Variants in AFG1L observed in about 807,000 individuals in gnomAD.
AFG1L encodes AFG1 like ATPase, also known as AFG1-like ATPase.
A neutral mutation model predicts 62.2 loss-of-function variants in AFG1L; 53 were observed. The ratio of observed to expected loss-of-function variants is 0.85; its 90% CI spans 0.68 to 1.07. The LOEUF (loss-of-function observed/expected upper bound fraction) is 1.07, where lower values mean the gene tolerates loss of function less well. Among genes scored for constraint, AFG1L ranks in the 50% least tolerant of loss-of-function variants. The pLI is 0.00. For synonymous variants in AFG1L, 228 were observed against 210.3 expected, an observed-to-expected ratio of 1.08 and a Z score of -0.73; for missense variants, 555 against 590.5, an observed-to-expected ratio of 0.94 and a Z score of 0.62.
intron 1 of AFG1L, among the ~76,000 whole-genome samples, chr6:108,311,466 C>T (rs987903538): frequency 3.3e-5 from 5 of 152,074 alleles, no homozygotes; most frequent in African/African-American, 1.2e-4. Flanking sequence ...GTTGTTTATC[C>T]ACTTATTTGT....
At chr6:108,334,927 C>T (rs563177996) in intron 2 of AFG1L, among the ~76,000 whole-genome samples, 7 of 152,176 alleles carry the variant, frequency 4.6e-5, no homozygotes, top group South Asian at 4.2e-4. Flanking sequence ...TCCATCCTTT[C>T]GTTATGGCTC....
chr6:108,463,425 GAA>G (rs1287285736), intron 8 of AFG1L, among the ~76,000 whole-genome samples: 8 of 96,586 alleles, frequency 8.3e-5, no homozygotes, highest in Admixed American at 7.7e-4. Flanking sequence ...TTTTTTTTTT[GAA>G]ATCTTCAATC....
intron 1 of AFG1L, among the ~76,000 whole-genome samples, chr6:108,310,264 C>A (rs190149745): frequency 7.0e-4 from 106 of 152,340 alleles, no homozygotes; most frequent in Non-Finnish European, 1.3e-3. Flanking sequence ...TTCTCTGCAT[C>A]TTCTCTAACA....
At chr6:108,454,268 A>C (rs1020097323) in intron 8 of AFG1L, among the ~76,000 whole-genome samples, 5 of 152,230 alleles carry the variant, frequency 3.3e-5, no homozygotes, top group African/African-American at 1.2e-4. Context: ...ACAGTTTAAG[A>C]CTATAAAATT....
chr6:108,311,542 T>C (rs1777411942), intron 1 of AFG1L, among the ~76,000 whole-genome samples: 1 of 152,188 alleles, frequency 6.6e-6, no homozygotes, highest in Non-Finnish European at 1.5e-5. Context: ...TTTTCTTTTT[T>C]TTGAGATAGA....
At chr6:108,379,012 T>C (rs118131667) in intron 6 of AFG1L, among the ~76,000 whole-genome samples, 6,045 of 147,352 alleles carry the variant, frequency 0.041, 199 homozygotes, top group South Asian at 0.11. Flanking sequence ...TTTTTTTTTT[T>C]TTTTTTTTGG....
At chr6:108,466,796 T>A (rs977971759) in intron 8 of AFG1L, among the ~76,000 whole-genome samples, 10 of 148,174 alleles carry the variant, frequency 6.7e-5, no homozygotes, top group Non-Finnish European at 6.0e-5. Flanking sequence ...TATTTTAAAC[T>A]ATATATATAT....
At chr6:108,392,539 A>G (rs1472545197) in intron 6 of AFG1L, among the ~76,000 whole-genome samples, 1 of 152,182 alleles carries the variant, frequency 6.6e-6, no homozygotes, top group Non-Finnish European at 1.5e-5. Flanking sequence ...GTGAAGACAT[A>G]GTAGAATTCA....
intron 5 of AFG1L, among the ~76,000 whole-genome samples, chr6:108,364,065 ACT>A (rs1159212602): frequency 5.3e-5 from 8 of 151,914 alleles, no homozygotes; most frequent in Admixed American, 1.3e-4. Flanking sequence ...AAATGTCTCC[ACT>A]CTCTGTATTA....
chr6:108,466,121 A>G (rs1355275276), intron 8 of AFG1L, among the ~76,000 whole-genome samples: 6 of 152,232 alleles, frequency 3.9e-5, no homozygotes, highest in Non-Finnish European at 5.9e-5. Flanking sequence ...TTTATCCACC[A>G]TAATCACTAA....
At chr6:108,302,536 T>C (rs1288759034) in intron 1 of AFG1L, among the ~76,000 whole-genome samples, 1 of 152,118 alleles carries the variant, frequency 6.6e-6, no homozygotes, top group East Asian at 1.9e-4. Context: ...TAAATACCTC[T>C]TCTCTTGAGG....
chr6:108,295,100 C>T lies in AFG1L; in HGVS notation c.21C>T (p.Leu7=). The change falls in exon 1 of 13, where the codon CTC becomes CTT. Residue 7 remains leucine, a synonymous_variant. Transcript: ENST00000368977. MAASWS[L]LVTLRPLAQS... Reference sequence around the variant, plus strand: ...TCAAGATGGCGGCCTCCTGGTCGCTCTTGGTTACCCTGCGCCCCTTAGCAC... The same window carrying T: ...TCAAGATGGCGGCCTCCTGGTCGCTTTTGGTTACCCTGCGCCCCTTAGCAC... The T allele has an allele frequency of 6.2e-7, 1 of 1,611,194 alleles. No individual in the cohort carries two copies. Among genetic ancestry groups the T allele is most frequent in the South Asian group, 1.1e-5 (1 of 91,082 alleles).
At chr6:108,341,308 G>A (rs1243012354) in intron 2 of AFG1L, among the ~76,000 whole-genome samples, 1 of 152,114 alleles carries the variant, frequency 6.6e-6, no homozygotes, top group Admixed American at 6.5e-5. Context: ...TTGGTTTGTT[G>A]GGTTTAGAGT....
rs534148790 is a variant in AFG1L at position 108,374,895 on chromosome 6, G to A, written c.748+8563G>A. On this transcript the variant is annotated intron_variant, in intron 6 of 12. Coordinates refer to ENST00000368977, the MANE Select transcript of AFG1L (RefSeq NM_145315.5). ...TGACATTGGTAGTTTGATAGGAATAGCATTGAATTCATAGATTGCTTTGGG... is the reference window on the plus strand; with the variant it reads ...TGACATTGGTAGTTTGATAGGAATAACATTGAATTCATAGATTGCTTTGGG... Among the ~76,000 whole-genome samples the A allele has an allele frequency of 1.5e-4, 23 of 152,244 alleles. No homozygotes were observed. The South Asian group carries it at 4.6e-3, about 30-fold the overall frequency.
At chr6:108,422,038 T>C (rs1240896877) in intron 7 of AFG1L, among the ~76,000 whole-genome samples, 1 of 152,078 alleles carries the variant, frequency 6.6e-6, no homozygotes, top group Non-Finnish European at 1.5e-5. Flanking sequence ...TAGGGAATAA[T>C]TTTAGATTGT....
chr6:108,366,300 T>G lies in AFG1L; in HGVS notation c.716T>G (p.Val239Gly). 1 of 1,612,342 alleles carries G rather than the reference T, an allele frequency of 6.2e-7. No individual in the cohort carries two copies. The highest frequency in any genetic ancestry group is 1.1e-5 in the South Asian group (1 of 90,886). Residue 239 changes from valine to glycine, a missense_variant, in exon 6 of 13, where the codon GTC becomes GGC. Val to Gly is a moderately radical substitution (Grantham distance 109, BLOSUM62 -3). Coordinates refer to ENST00000368977, the MANE Select transcript of AFG1L (RefSeq NM_145315.5). Reference protein sequence around the residue: ...LFENLFKNGVVVVATSNRPPE... With the variant: ...LFENLFKNGVGVVATSNRPPE... ...GAAAATCTGTTCAAAAACGGGGTCG[T>G]CGTTGTGGCAACATCCAACAGGCCA...
intron 2 of AFG1L, among the ~76,000 whole-genome samples, chr6:108,340,398 C>T (rs1778637195): frequency 7.1e-6 from 1 of 140,942 alleles, no homozygotes; most frequent in Admixed American, 7.6e-5. Flanking sequence ...GAGTCTCGCT[C>T]TGTTGTCCAG....
At chr6:108,458,561 C>A (rs1218048106) in intron 8 of AFG1L, among the ~76,000 whole-genome samples, 1 of 152,036 alleles carries the variant, frequency 6.6e-6, no homozygotes, top group South Asian at 2.1e-4. Context: ...GAGATTCTCC[C>A]CCCTTAGCCT....
chr6:108,301,959 T>C (rs1390693783), intron 1 of AFG1L, among the ~76,000 whole-genome samples: 1 of 152,212 alleles, frequency 6.6e-6, no homozygotes, highest in South Asian at 2.1e-4. Flanking sequence ...TTTTTTTTTT[T>C]TTTTGAGACA....
Sources: gnomAD v4.1 joint callset for allele counts (sites outside exome capture counted in the v4.1 genomes callset) on GRCh38, gnomAD v4.1.1 for gene constraint, MANE v1.5 for transcripts, NCBI Gene and HGNC (gene_info 2026-07-23, HGNC 2026-07-21) for gene names.